Variants in AGMO observed in about 807,000 individuals in gnomAD.
AGMO encodes glyceryl-ether monooxygenase.
Under a neutral mutation model 60.2 loss-of-function variants are expected in AGMO, and 75 were observed. The observed-to-expected ratio is 1.25, with a 90% CI of 1.03 to 1.51. The LOEUF (loss-of-function observed/expected upper bound fraction) is 1.51, where lower values mean the gene tolerates loss of function less well. Among genes scored for constraint, AGMO ranks in the 40% most tolerant of loss-of-function variants. The pLI, the probability that AGMO is intolerant of heterozygous loss-of-function variation, is 0.00. For missense variants in AGMO, 763 were observed against 525.5 expected, an observed-to-expected ratio of 1.45 and a Z score of -4.42; for synonymous variants, 261 against 177.1, an observed-to-expected ratio of 1.47 and a Z score of -3.76.
At chr7:15,297,011 A>C (rs1784423387) in intron 12 of AGMO, among the ~76,000 whole-genome samples, 2 of 152,018 alleles carry the variant, frequency 1.3e-5, no homozygotes, top group Non-Finnish European at 2.9e-5. Context: ...TATTACGGCT[A>C]TTCATACCTC....
At chr7:15,235,843 G>A (rs1390310969) in intron 12 of AGMO, among the ~76,000 whole-genome samples, 2 of 152,126 alleles carry the variant, frequency 1.3e-5, no homozygotes, top group East Asian at 1.9e-4. Flanking sequence ...ATGTAAGCAA[G>A]CTAATGTTGT....
chr7:15,482,888 C>T (rs992284922), intron 3 of AGMO, among the ~76,000 whole-genome samples: 1 of 152,132 alleles, frequency 6.6e-6, no homozygotes, highest in Non-Finnish European at 1.5e-5. Flanking sequence ...ATAATATAAG[C>T]ATGTCAATAG....
At chr7:15,352,111 C>A (rs562110020) in intron 12 of AGMO, among the ~76,000 whole-genome samples, 112 of 152,252 alleles carry the variant, frequency 7.4e-4, no homozygotes, top group African/African-American at 2.6e-3. Flanking sequence ...TAAGCTATAG[C>A]AAGAAGACCT....
chr7:15,182,507 C>T, the AGMO span, among the ~76,000 whole-genome samples: 2 of 152,110 alleles, frequency 1.3e-5, no homozygotes, highest in African/African-American at 4.8e-5. Context: ...CCTCTGCCTC[C>T]TGGGCTCAAG....
chr7:15,290,217 T>C lies in AGMO; in HGVS notation c.1263+75297A>G, dbSNP rs372990758. Among the ~76,000 whole-genome samples, 32 of 151,958 alleles carry C rather than the reference T, an allele frequency of 2.1e-4. No homozygotes were observed. The South Asian group carries it at 6.7e-3, about 32-fold the overall frequency. On this transcript the variant is annotated intron_variant, in intron 12 of 12. Transcript: ENST00000342526. The stretch of plus-strand genomic sequence containing the variant: ...CTAATTTTTGTATTTTCAGTACAGA[T>C]GGGGTTTCACCATATTGGTCAGGCT...
intron 12 of AGMO, among the ~76,000 whole-genome samples, chr7:15,220,155 A>C (rs533168213): frequency 6.7e-6 from 1 of 150,312 alleles, no homozygotes; most frequent in South Asian, 2.1e-4. Context: ...ATTGCATTAC[A>C]TACTGACTGC....
intron 12 of AGMO, among the ~76,000 whole-genome samples, chr7:15,354,421 TACACACAC>T (rs1782408993): frequency 6.8e-5 from 1 of 14,752 alleles, no homozygotes; most frequent in Non-Finnish European, 1.2e-4. Flanking sequence ...CGTGTGTGTA[TACACACAC>T]GTGTGTGTAT....
At chr7:15,367,918 C>A (rs1349297745) in intron 10 of AGMO, among the ~76,000 whole-genome samples, 1 of 152,010 alleles carries the variant, frequency 6.6e-6, no homozygotes, top group African/African-American at 2.4e-5. Flanking sequence ...TGCATCTGTC[C>A]AAAGTTATAC....
At chr7:15,293,042 T>G (rs918579268) in intron 12 of AGMO, among the ~76,000 whole-genome samples, 1 of 152,042 alleles carries the variant, frequency 6.6e-6, no homozygotes, top group Non-Finnish European at 1.5e-5. Context: ...GGATTACAAG[T>G]GTGAGCCACT....
intron 10 of AGMO, among the ~76,000 whole-genome samples, chr7:15,381,963 C>T (rs750053907): frequency 2.0e-5 from 3 of 151,858 alleles, no homozygotes; most frequent in African/African-American, 7.3e-5. Flanking sequence ...TAAGTGGGAG[C>T]GCTAAATGAT....
intron 3 of AGMO, 21 bp from the exon 4 acceptor site, chr7:15,431,129 A>AG: frequency 6.4e-7 from 1 of 1,563,484 alleles, no homozygotes; most frequent in Non-Finnish European, 8.8e-7. Flanking sequence ...CATAATTTGC[A>AG]ATGAGCCATG....
downstream of AGMO, among the ~76,000 whole-genome samples, chr7:15,198,254 AGACAGAGACAGAGAGAGAGTGT>A (rs1781184510): frequency 1.6e-4 from 10 of 61,822 alleles, no homozygotes; most frequent in Non-Finnish European, 2.8e-5. Context: ...AGAGAGAGAG[AGACAGAGACAGAGAGAGAGTGT>A]GTTAAAGTCC....
At chr7:15,353,756 A>G (rs566554515) in intron 12 of AGMO, among the ~76,000 whole-genome samples, 17 of 152,314 alleles carry the variant, frequency 1.1e-4, no homozygotes, top group Non-Finnish European at 2.5e-4. Flanking sequence ...CTACTTGAAC[A>G]AAGTATTATT....
At chr7:15,245,998 T>A (rs1463241050) in intron 12 of AGMO, among the ~76,000 whole-genome samples, 7 of 152,174 alleles carry the variant, frequency 4.6e-5, no homozygotes, top group African/African-American at 1.7e-4. Flanking sequence ...GATTAAGAGA[T>A]GTCTTACCAT....
At chr7:15,183,077 T>G in the AGMO span, among the ~76,000 whole-genome samples, 3 of 152,088 alleles carry the variant, frequency 2.0e-5, no homozygotes, top group African/African-American at 7.2e-5. Flanking sequence ...GACATGAGAT[T>G]TGGGAGGGGA....
At chr7:15,150,009 T>C in the AGMO span, among the ~76,000 whole-genome samples, 1 of 152,018 alleles carries the variant, frequency 6.6e-6, no homozygotes, top group Non-Finnish European at 1.5e-5. Flanking sequence ...GTTTAGATCT[T>C]TCACCTTCCT....
chr7:15,259,282 A>C (rs1461465905), intron 12 of AGMO, among the ~76,000 whole-genome samples: 1 of 152,012 alleles, frequency 6.6e-6, no homozygotes, highest in Non-Finnish European at 1.5e-5. Context: ...TCTCAGCAAT[A>C]GAATTGAACA....
At chr7:15,204,401 T>C (rs35451726) in intron 12 of AGMO, among the ~76,000 whole-genome samples, 12,350 of 152,186 alleles carry the variant, frequency 0.081, 717 homozygotes, top group Non-Finnish European at 0.11. Context: ...CAAATATTTG[T>C]TAAATAAATA....
the AGMO span, among the ~76,000 whole-genome samples, chr7:15,144,413 T>C: frequency 6.6e-6 from 1 of 152,166 alleles, no homozygotes; most frequent in Non-Finnish European, 1.5e-5. Flanking sequence ...AATTAAAAAA[T>C]AGTAATTAAA....
Sources: gnomAD v4.1 joint callset for allele counts (sites outside exome capture counted in the v4.1 genomes callset) on GRCh38, gnomAD v4.1.1 for gene constraint, MANE v1.5 for transcripts, NCBI Gene and HGNC (gene_info 2026-07-23, HGNC 2026-07-21) for gene names.